The following DCX variants were observed in gnomAD, a reference collection of about 807,000 sequenced individuals.
The protein encoded by DCX is doublecortin, also known as neuronal migration protein doublecortin.
Under a neutral mutation model 20.9 loss-of-function variants are expected in DCX, and 4 were observed. The ratio of observed to expected loss-of-function variants is 0.19; its 90% CI spans 0.09 to 0.44. DCX has a LOEUF of 0.44. Among genes scored for constraint, DCX ranks in the 20% least tolerant of loss-of-function variants. The pLI, the probability that DCX is intolerant of heterozygous loss-of-function variation, is 0.99. For missense variants in DCX, 133 were observed against 296.9 expected (o/e 0.45, Z 4.06); for synonymous variants, 103 against 111.4 (o/e 0.92, Z 0.47).
intron 3 of DCX, among the ~76,000 whole-genome samples, chrX:111,393,672 T>C (rs1291859420): frequency 9.0e-6 from 1 of 111,256 alleles, no homozygotes; most frequent in African/African-American, 3.3e-5. Context: ...AATGGGAAAA[T>C]GATCTGAACA....
rs1603411329 is a variant in DCX at position 111,301,534 on chromosome X, C to A, written c.*153G>T. 8 of 592,614 alleles carry A rather than the reference C, an allele frequency of 1.3e-5. No homozygotes were observed. In the Admixed American group the frequency reaches 1.9e-4, roughly 14 times the overall value. 48.8% of individuals were successfully genotyped at this position (592,614 alleles called of 1,213,427 possible). A position where few individuals can be genotyped will look rare whatever the true frequency, so the allele number is the denominator to read the frequency against. On this transcript the variant is annotated 3_prime_UTR_variant, in exon 7 of 7. Transcript: ENST00000636035. ...AGAGGAGAAATCACAGGAAAATAAA[C>A]CCAACATATTACAATGTGTTTTTCA... is the stretch of plus-strand genomic sequence containing the variant.
At chrX:111,358,508 C>T (rs1007195894) in intron 3 of DCX, among the ~76,000 whole-genome samples, 1 of 111,873 alleles carries the variant, frequency 8.9e-6, no homozygotes, top group Non-Finnish European at 1.9e-5. Flanking sequence ...AAGAATTTGC[C>T]TTATTCTGTT....
chrX:111,330,775 C>T, intron 5 of DCX, 129 bp downstream of exon 5: 4 of 988,877 alleles, frequency 4.0e-6, no homozygotes, highest in Non-Finnish European at 5.7e-6. Flanking sequence ...CTGTTTTAGT[C>T]CCTGAATTGA....
intron 3 of DCX, among the ~76,000 whole-genome samples, chrX:111,365,084 A>T (rs1053683599): frequency 3.0e-4 from 31 of 103,356 alleles, no homozygotes; most frequent in Non-Finnish European, 2.8e-4. Flanking sequence ...TATTATTATT[A>T]TTTTTATTTT....
rs2147571166 is a variant in DCX at position 111,301,680 on chromosome X, C to T, written c.*7G>A. On this transcript the variant is annotated 3_prime_UTR_variant, in exon 7 of 7. Coordinates refer to ENST00000636035, the MANE Select transcript of DCX (RefSeq NM_001195553.2). ...TGTACTCTGGACTCTGAGCACTCTC[C>T]CCTCCTTTACATGGAATCACCAAGC... 2.5e-6 allele frequency: 3 copies of T among 1,210,579 alleles called. No homozygotes were observed. Among genetic ancestry groups the T allele is most frequent in the South Asian group, 1.8e-5 (1 of 56,935 alleles).
chrX:111,352,805 A>T (rs1415450196), intron 3 of DCX, among the ~76,000 whole-genome samples: 5 of 106,619 alleles, frequency 4.7e-5, no homozygotes, highest in African/African-American at 1.4e-4. Flanking sequence ...TCCTCCTGTG[A>T]CTGTCAGTGA....
At chrX:111,357,188 G>A (rs890854648) in intron 3 of DCX, among the ~76,000 whole-genome samples, 3 of 111,847 alleles carry the variant, frequency 2.7e-5, no homozygotes, top group Non-Finnish European at 5.6e-5. Flanking sequence ...TTAATAGTGA[G>A]AAATAGCATG....
intron 3 of DCX, among the ~76,000 whole-genome samples, chrX:111,347,688 T>G (rs139580547): frequency 0.034 from 3,820 of 111,394 alleles, 157 homozygotes; most frequent in African/African-American, 0.12. Context: ...TGACTGAATT[T>G]CTCTCCACTC....
Position 111,301,690 on chromosome X carries a change from CAT to C in DCX, c.1096_1097del (p.Met366ValfsTer19). 1 of 1,211,414 alleles carries C rather than the reference CAT, an allele frequency of 8.3e-7. No individual in the cohort carries two copies. Among genetic ancestry groups the C allele is most frequent in the Non-Finnish European group, 1.1e-6 (1 of 895,136 alleles). ...LDDSDSLGDS[M>X] is the part of the protein sequence containing the mutation. ...ACTCTGAGCACTCTCCCCTCCTTTA[CAT>C]GGAATCACCAAGCGAGTCCGAGTCA... On this transcript the variant is annotated frameshift_variant, in exon 7 of 7. Coordinates refer to ENST00000636035, the MANE Select transcript of DCX (RefSeq NM_001195553.2). LOFTEE classifies it high-confidence loss of function.
At chrX:111,335,048 T>G (rs762548602) in intron 3 of DCX, among the ~76,000 whole-genome samples, 31 of 111,829 alleles carry the variant, frequency 2.8e-4, no homozygotes, top group African/African-American at 9.4e-4. Flanking sequence ...AGCCCTTAAC[T>G]CTGATACACC....
chrX:111,380,900 T>A (rs1474566165), intron 3 of DCX, among the ~76,000 whole-genome samples: 1 of 110,962 alleles, frequency 9.0e-6, no homozygotes, highest in Non-Finnish European at 1.9e-5. Flanking sequence ...GAAAATTATA[T>A]TTTAACATCT....
intron 6 of DCX, among the ~76,000 whole-genome samples, chrX:111,302,333 T>C (rs755059199): frequency 8.9e-6 from 1 of 111,748 alleles, no homozygotes. Flanking sequence ...ACAGTTTGTT[T>C]AGCCATTCAC....
At chrX:111,305,512 C>A (rs973055981) in intron 6 of DCX, among the ~76,000 whole-genome samples, 1 of 110,852 alleles carries the variant, frequency 9.0e-6, no homozygotes, top group Non-Finnish European at 1.9e-5. Flanking sequence ...GATGTTCATC[C>A]TACATATCTG....
intron 3 of DCX, among the ~76,000 whole-genome samples, chrX:111,378,438 C>T (rs144521938): frequency 9.0e-6 from 1 of 111,703 alleles, no homozygotes; most frequent in African/African-American, 3.3e-5. Context: ...AAGCTACCCA[C>T]ATGAATTCTG....
rs1347600906 is a variant in DCX, at chrX:111,298,885, C to T, written c.*2802G>A. ...GCCCCAATATATACATTTTCCCCTT[C>T]TTTGTCCCTATTTCTATTTCTGTAG... is the stretch of plus-strand genomic sequence containing the variant. On this transcript the variant is annotated 3_prime_UTR_variant, in exon 7 of 7. Transcript: ENST00000636035. 1 of 111,429 alleles carries T rather than the reference C, an allele frequency of 9.0e-6. No individual in the cohort carries two copies. Among genetic ancestry groups the T allele is most frequent in the Non-Finnish European group, 1.9e-5 (1 of 53,109 alleles). The allele number at this position is 111,429 out of a possible 1,213,427, so 9.2% of individuals were successfully genotyped here. A position where few individuals can be genotyped will look rare whatever the true frequency, so the allele number is the denominator to read the frequency against.
intron 6 of DCX, among the ~76,000 whole-genome samples, chrX:111,306,594 C>T (rs1174731991): frequency 4.5e-5 from 5 of 111,261 alleles, no homozygotes; most frequent in Admixed American, 3.8e-4. Context: ...ATGGAATATT[C>T]TATCCAACGA....
chrX:111,349,355 A>G (rs756835204), intron 3 of DCX, among the ~76,000 whole-genome samples: 1 of 111,819 alleles, frequency 8.9e-6, no homozygotes, highest in African/African-American at 3.3e-5. Flanking sequence ...GTCCAAAGGA[A>G]GCAAAAGGAT....
intron 5 of DCX, among the ~76,000 whole-genome samples, chrX:111,320,885 G>C (rs1394155870): frequency 9.1e-6 from 1 of 109,520 alleles, no homozygotes; most frequent in Non-Finnish European, 1.9e-5. Flanking sequence ...GTTCCAGCTA[G>C]GGGTAGCAAA....
rs187471630 is a variant in DCX at position 111,320,910 on chromosome X, G to C, written c.947-8174C>G. On this transcript the variant is annotated intron_variant, in intron 5 of 6. Coordinates refer to ENST00000636035, the MANE Select transcript of DCX (RefSeq NM_001195553.2). ...GGGGTAGCAAACACAAGATTTGAAT[G>C]TAAGTCTCTTTGATTCCAAAGCCTA... 2.0e-4 allele frequency among the ~76,000 whole-genome samples: 22 copies of C among 110,077 alleles called. No homozygotes were observed. The East Asian group carries it at 5.1e-3, about 26-fold the overall frequency.
Sources: allele counts gnomAD v4.1 joint callset (sites outside exome capture counted in the v4.1 genomes callset), GRCh38; gene constraint gnomAD v4.1.1; transcripts MANE v1.5; gene names NCBI Gene and HGNC (gene_info 2026-07-23, HGNC 2026-07-21).